COL25A1: variants seen among roughly 807,000 people sequenced by gnomAD.
The protein encoded by COL25A1 is collagen type XXV alpha 1 chain.
In COL25A1, 103 loss-of-function variants were observed where a neutral mutation model predicts 128.4. The observed-to-expected ratio is 0.80, with a 90% CI of 0.68 to 0.94. The LOEUF (loss-of-function observed/expected upper bound fraction) is 0.94, where lower values mean the gene tolerates loss of function less well. COL25A1 is among the 40% of genes least tolerant of loss of function. The pLI is 0.00. For missense variants in COL25A1, 745 were observed against 840.0 expected (o/e 0.89, Z 1.40); for synonymous variants, 279 against 277.2 (o/e 1.01, Z -0.06).
At chr4:109,100,282 G>A (rs1765771145) in intron 3 of COL25A1, among the ~76,000 whole-genome samples, 1 of 151,912 alleles carries the variant, frequency 6.6e-6, no homozygotes, top group Non-Finnish European at 1.5e-5. Context: ...ATCAAAGGAT[G>A]GTAGCCCTCA....
At chr4:108,954,462 C>T (rs1361749710) in intron 8 of COL25A1, among the ~76,000 whole-genome samples, 2 of 151,838 alleles carry the variant, frequency 1.3e-5, no homozygotes, top group African/African-American at 4.8e-5. Context: ...TGATAATATT[C>T]ATATTTAACC....
At chr4:109,011,355 A>G (rs1323590626) in intron 5 of COL25A1, among the ~76,000 whole-genome samples, 6 of 152,164 alleles carry the variant, frequency 3.9e-5, no homozygotes, top group Non-Finnish European at 7.4e-5. Context: ...CAATTTCCTT[A>G]GGTACTTGTT....
At chr4:109,252,271 C>T (rs1226883820) in intron 3 of COL25A1, among the ~76,000 whole-genome samples, 3 of 152,188 alleles carry the variant, frequency 2.0e-5, no homozygotes, top group Non-Finnish European at 2.9e-5. Context: ...ATCACCCTGG[C>T]GAATGGCGCC....
chr4:109,089,103 T>C (rs1299343327), intron 3 of COL25A1, among the ~76,000 whole-genome samples: 2 of 152,106 alleles, frequency 1.3e-5, no homozygotes, highest in East Asian at 3.8e-4. Context: ...AGTGGGACAT[T>C]TGGAAAGAGT....
intron 3 of COL25A1, among the ~76,000 whole-genome samples, chr4:109,122,930 T>G (rs757881856): frequency 6.6e-6 from 1 of 151,936 alleles, no homozygotes; most frequent in East Asian, 1.9e-4. Context: ...ATAAAGACAA[T>G]CAAGACTTGT....
intron 11 of COL25A1, 87 bp downstream of exon 11, chr4:108,937,721 A>G: frequency 8.7e-7 from 1 of 1,145,428 alleles, no homozygotes; most frequent in Non-Finnish European, 1.3e-6. Context: ...AGTCTGTCAT[A>G]TGACAGATAC....
intron 6 of COL25A1, among the ~76,000 whole-genome samples, chr4:109,008,914 A>C (rs554670568): frequency 2.6e-5 from 4 of 152,166 alleles, no homozygotes; most frequent in Admixed American, 1.3e-4. Flanking sequence ...TCAGGAGTGG[A>C]GTTCAAGACC....
At chr4:109,227,398 G>A (rs993262520) in intron 3 of COL25A1, among the ~76,000 whole-genome samples, 4 of 152,142 alleles carry the variant, frequency 2.6e-5, no homozygotes, top group Non-Finnish European at 5.9e-5. Flanking sequence ...AGTCGTACAC[G>A]ACTGAATAAC....
chr4:109,044,033 T>C (rs902974090), intron 5 of COL25A1, among the ~76,000 whole-genome samples: 1 of 152,054 alleles, frequency 6.6e-6, no homozygotes, highest in African/African-American at 2.4e-5. Flanking sequence ...ACAAATTATA[T>C]ACATTATCAC....
chr4:108,904,733 G>A (rs1308387481), intron 13 of COL25A1, among the ~76,000 whole-genome samples: 1 of 151,956 alleles, frequency 6.6e-6, no homozygotes, highest in Admixed American at 6.6e-5. Flanking sequence ...TTCCATAGAT[G>A]GTAATGAAGA....
intron 19 of COL25A1, among the ~76,000 whole-genome samples, chr4:108,873,258 CT>C (rs1274199168): frequency 6.6e-6 from 1 of 152,088 alleles, no homozygotes; most frequent in African/African-American, 2.4e-5. Context: ...TCTTTCAATT[CT>C]AATTTTTAAG....
At chr4:109,240,785 G>T (rs1384466024) in intron 3 of COL25A1, among the ~76,000 whole-genome samples, 1 of 152,008 alleles carries the variant, frequency 6.6e-6, no homozygotes, top group Non-Finnish European at 1.5e-5. Flanking sequence ...TGACCTTATA[G>T]GTCACTGAAA....
chr4:109,058,311 A>G (rs1436946297), intron 3 of COL25A1, among the ~76,000 whole-genome samples: 1 of 152,152 alleles, frequency 6.6e-6, no homozygotes, highest in Non-Finnish European at 1.5e-5. Flanking sequence ...GGGGGCTGCA[A>G]GATGTCAGAG....
intron 20 of COL25A1, among the ~76,000 whole-genome samples, chr4:108,864,497 C>T (rs1367722418): frequency 2.0e-5 from 3 of 152,066 alleles, no homozygotes; most frequent in African/African-American, 7.2e-5. Context: ...TAAAAGTGTT[C>T]GGGTTTTACA....
At chr4:109,143,368 TGA>T (rs1200774132) in intron 3 of COL25A1, among the ~76,000 whole-genome samples, 1 of 152,210 alleles carries the variant, frequency 6.6e-6, no homozygotes, top group African/African-American at 2.4e-5. Flanking sequence ...TTGTTGAATC[TGA>T]TAATTATGTG....
chr4:109,057,133 T>G (rs1459057676), intron 3 of COL25A1, among the ~76,000 whole-genome samples: 1 of 152,110 alleles, frequency 6.6e-6, no homozygotes, highest in African/African-American at 2.4e-5. Context: ...GAGTCAGAAT[T>G]AAAGGTGTGA....
intron 16 of COL25A1, among the ~76,000 whole-genome samples, chr4:108,894,467 C>T (rs947251736): frequency 5.3e-5 from 8 of 151,936 alleles, no homozygotes; most frequent in Non-Finnish European, 7.4e-5. Flanking sequence ...GACCCAGGAG[C>T]TAAAAATGGT....
chr4:108,918,554 A>G lies in COL25A1; in HGVS notation c.736-338T>C, dbSNP rs373797012. ...AATAGGCTTAGTTCCATCTGGAAAA[A>G]GCCTACCAGTAGCAGTAACACTTGC... On this transcript the variant is annotated intron_variant, in intron 12 of 37. Coordinates refer to ENST00000399132, the MANE Select transcript of COL25A1 (RefSeq NM_198721.4). Among the ~76,000 whole-genome samples, 332 of 152,366 alleles carry G rather than the reference A, an allele frequency of 2.2e-3. 1 individual carries two copies. The highest frequency in any genetic ancestry group is 7.6e-3 in the African/African-American group (315 of 41,592).
At chr4:108,951,137 G>T (rs765867197) in intron 8 of COL25A1, among the ~76,000 whole-genome samples, 6 of 152,144 alleles carry the variant, frequency 3.9e-5, no homozygotes, top group African/African-American at 9.7e-5. Flanking sequence ...ACATTTTAGA[G>T]AAATGCCTGG....
Sources: gnomAD v4.1 joint callset for allele counts (sites outside exome capture counted in the v4.1 genomes callset) on GRCh38, gnomAD v4.1.1 for gene constraint, MANE v1.5 for transcripts, NCBI Gene and HGNC (gene_info 2026-07-23, HGNC 2026-07-21) for gene names.